Variants in CACNA1C observed in about 807,000 individuals in gnomAD.
The protein encoded by CACNA1C is calcium voltage-gated channel subunit alpha1 C, also known as voltage-dependent L-type calcium channel subunit alpha-1C.
In CACNA1C, 30 loss-of-function variants were observed where a neutral mutation model predicts 229.0. The ratio of observed to expected loss-of-function variants is 0.13; its 90% CI spans 0.10 to 0.18. The LOEUF (loss-of-function observed/expected upper bound fraction) is 0.18, where lower values mean the gene tolerates loss of function less well. CACNA1C is among the 10% of genes least tolerant of loss of function. The probability of loss-of-function intolerance (pLI) is 1.00; values close to 1 mark genes in which losing one functional copy is unlikely to be tolerated. For synonymous variants in CACNA1C, 1,114 were observed against 1,132.5 expected (o/e 0.98, Z 0.33); for missense variants, 1,658 against 2,845.0 (o/e 0.58, Z 9.49).
intron 3 of CACNA1C, among the ~76,000 whole-genome samples, chr12:2,256,354 G>A (rs1304508649): frequency 1.3e-5 from 2 of 152,164 alleles, no homozygotes; most frequent in Admixed American, 6.5e-5. Context: ...CACATAATTG[G>A]AACTGTTTTG....
At chr12:2,490,155 A>T (rs1331937044) in intron 6 of CACNA1C, among the ~76,000 whole-genome samples, 1 of 152,268 alleles carries the variant, frequency 6.6e-6, no homozygotes, top group East Asian at 1.9e-4. Context: ...GCAGAGTGGC[A>T]CTAAACCTTT....
At chr12:2,241,423 C>G (rs2070165096) in intron 3 of CACNA1C, among the ~76,000 whole-genome samples, 1 of 151,972 alleles carries the variant, frequency 6.6e-6, no homozygotes, top group African/African-American at 2.4e-5. Flanking sequence ...ATGCCTCCCC[C>G]CTTGTCCCAG....
chr12:2,031,459 T>C (rs4765880), intron 1 of CACNA1C, among the ~76,000 whole-genome samples: 13,407 of 152,236 alleles, frequency 0.088, 1,380 homozygotes, highest in East Asian at 0.56. Flanking sequence ...CAGAAGACAA[T>C]GCGTGCCTGT....
At chr12:2,265,569 T>C (rs1190436833) in intron 3 of CACNA1C, among the ~76,000 whole-genome samples, 3 of 152,368 alleles carry the variant, frequency 2.0e-5, no homozygotes, top group African/African-American at 7.2e-5. Flanking sequence ...CTCTTTGTTC[T>C]GTGGTTGCTG....
intron 3 of CACNA1C, chr12:2,221,786 TCTC>T (rs1566492709): frequency 6.6e-6 from 1 of 152,218 alleles, no homozygotes; most frequent in Non-Finnish European, 1.5e-5. Context: ...GGATAATTTC[TCTC>T]CTCTATTAAT....
At chr12:2,336,046 C>A (rs903760545) in intron 3 of CACNA1C, among the ~76,000 whole-genome samples, 6 of 150,548 alleles carry the variant, frequency 4.0e-5, no homozygotes, top group Non-Finnish European at 7.4e-5. Context: ...AAAAACAAAC[C>A]CTAAGCATCC....
intron 39 of CACNA1C, among the ~76,000 whole-genome samples, chr12:2,675,771 C>A (rs1411691830): frequency 1.3e-5 from 2 of 152,162 alleles, no homozygotes; most frequent in Admixed American, 1.3e-4. Context: ...GTGGCATAAG[C>A]TTGAGAGCCA....
At chr12:2,081,667 A>C (rs2065698079) in intron 1 of CACNA1C, among the ~76,000 whole-genome samples, 1 of 152,214 alleles carries the variant, frequency 6.6e-6, no homozygotes, top group Non-Finnish European at 1.5e-5. Flanking sequence ...GACATGCTTA[A>C]TAAAGAAGCA....
chr12:2,013,839 T>C (rs2044854928), intron 1 of CACNA1C, among the ~76,000 whole-genome samples: 3 of 152,216 alleles, frequency 2.0e-5, no homozygotes, highest in South Asian at 2.1e-4. Flanking sequence ...TGAGTATTGC[T>C]GAAAGAGCTC....
chr12:2,071,932 G>A (rs145134952), intron 1 of CACNA1C, among the ~76,000 whole-genome samples: 1 of 152,080 alleles, frequency 6.6e-6, no homozygotes, highest in South Asian at 2.1e-4. Flanking sequence ...TGCCAGAACT[G>A]GAAATTTGAA....
At chr12:2,081,443 C>G (rs918126017) in intron 1 of CACNA1C, among the ~76,000 whole-genome samples, 1 of 151,964 alleles carries the variant, frequency 6.6e-6, no homozygotes, top group Non-Finnish European at 1.5e-5. Flanking sequence ...TATTGGCGGG[C>G]GCCTGTAGTC....
chr12:2,370,209 A>G (rs2097828125), intron 3 of CACNA1C, among the ~76,000 whole-genome samples: 1 of 152,244 alleles, frequency 6.6e-6, no homozygotes, highest in Non-Finnish European at 1.5e-5. Context: ...AAAAAAATAC[A>G]TTAGCAATAG....
In CACNA1C at chr12:2,306,845, C is replaced by T. The variant is rs151192453; in HGVS notation, c.478-142131C>T. Among the ~76,000 whole-genome samples the T allele has an allele frequency of 3.3e-5, 5 of 152,318 alleles. No individual in the cohort carries two copies. The East Asian group carries it at 9.6e-4, about 29-fold the overall frequency. ...GTTTGGTAGAAGCTGAGCCCCTTCCCCTCCATCTCACATACAAATGAGGAA... is the reference window on the plus strand; with the variant it reads ...GTTTGGTAGAAGCTGAGCCCCTTCCTCTCCATCTCACATACAAATGAGGAA... On this transcript the variant is annotated intron_variant, in intron 3 of 46. Transcript: ENST00000399655.
chr12:2,498,173 A>G (rs974583608), intron 7 of CACNA1C, among the ~76,000 whole-genome samples: 4 of 152,224 alleles, frequency 2.6e-5, no homozygotes, highest in African/African-American at 4.8e-5. Context: ...AAGGCTTCAT[A>G]AAAGTTAGAG....
intron 3 of CACNA1C, among the ~76,000 whole-genome samples, chr12:2,259,636 A>G (rs1566733355): frequency 6.6e-6 from 1 of 152,162 alleles, no homozygotes; most frequent in East Asian, 1.9e-4. Flanking sequence ...TAGACTAAGC[A>G]TTGTATCAGA....
chr12:2,666,553 G>C lies in CACNA1C; in HGVS notation c.4527-133G>C, dbSNP rs1042112597. ...AATTCTGCAACTCTGTACTGAGTGT[G>C]ACTAATAGGGCTACCACACTGTGCA... On this transcript the variant is annotated intron_variant, in intron 36 of 46. Transcript: ENST00000399655. The surrounding 1 kb of genome is among the most constrained non-coding windows in gnomAD (Gnocchi z 5.3). 6.6e-6 allele frequency: 4 copies of C among 602,370 alleles called. No individual in the cohort carries two copies. In the African/African-American group the frequency reaches 7.4e-5, roughly 11 times the overall value. The allele number at this position is 602,370 out of a possible 1,614,324, so 37.3% of individuals were successfully genotyped here.
At chr12:2,283,693 C>G (rs116300377) in intron 3 of CACNA1C, among the ~76,000 whole-genome samples, 1,556 of 152,276 alleles carry the variant, frequency 0.01, 22 homozygotes, top group African/African-American at 0.035. Flanking sequence ...AGTGCTGATT[C>G]GGGAGATCCA....
chr12:2,451,877 G>A lies in CACNA1C; in HGVS notation c.617+2762G>A, dbSNP rs558782035. Among the ~76,000 whole-genome samples, 8 of 152,288 alleles carry A rather than the reference G, an allele frequency of 5.3e-5. No individual in the cohort carries two copies. In the South Asian group the frequency reaches 1.7e-3, roughly 32 times the overall value. ...CCAGCTCGTGGTTGGTCTTGCACTG[G>A]GACATATTTGGCACCTAGTCTCTCT... On this transcript the variant is annotated intron_variant, in intron 4 of 46. Transcript: ENST00000399655.
At chr12:2,418,880 A>G (rs1182274741) in intron 3 of CACNA1C, among the ~76,000 whole-genome samples, 1 of 152,088 alleles carries the variant, frequency 6.6e-6, no homozygotes, top group Non-Finnish European at 1.5e-5. Context: ...GGGGATTGGG[A>G]GCTGAGGGGT....
Sources: allele counts gnomAD v4.1 joint callset (sites outside exome capture counted in the v4.1 genomes callset), GRCh38; gene constraint gnomAD v4.1.1; non-coding constraint Gnocchi (gnomAD v3.1); transcripts MANE v1.5; gene names NCBI Gene and HGNC (gene_info 2026-07-23, HGNC 2026-07-21).